The following SBF2 variants were observed in gnomAD, a reference collection of about 807,000 sequenced individuals.
SBF2 encodes SET binding factor 2.
A neutral mutation model predicts 225.2 loss-of-function variants in SBF2; 112 were observed. That is an observed-to-expected ratio of 0.50 (90% CI 0.43 to 0.58). The LOEUF is 0.58. Ranked by LOEUF, SBF2 falls within the 20% of genes least tolerant of loss-of-function variation. SBF2 has a pLI of 0.00. For synonymous variants in SBF2, 763 were observed against 773.3 expected (o/e 0.99, Z 0.22); for missense variants, 1,996 against 2,206.2 (o/e 0.90, Z 1.91).
Position 10,237,234 on chromosome 11 carries a change from C to T in SBF2, c.56-43247G>A, listed in dbSNP as rs188384693. 1.9e-3 allele frequency among the ~76,000 whole-genome samples: 286 copies of T among 152,276 alleles called. 1 individual carries two copies. The highest frequency in any genetic ancestry group is 6.3e-3 in the African/African-American group (263 of 41,558). On this transcript the variant is annotated intron_variant, in intron 1 of 39. Transcript: ENST00000256190. ...TGGTGGTATATACCTGTTATCCCAG[C>T]TATTTGGGAGCCTGTGGCATGAGAA...
intron 38 of SBF2, among the ~76,000 whole-genome samples, chr11:9,782,094 G>A (rs1039979151): frequency 1.3e-5 from 2 of 152,004 alleles, no homozygotes; most frequent in Non-Finnish European, 2.9e-5. Flanking sequence ...GCTGAGGTGG[G>A]AGGATTGCTT....
chr11:9,832,154 T>A, intron 27 of SBF2, 70 bp downstream of exon 27: 1 of 1,410,546 alleles, frequency 7.1e-7, no homozygotes, highest in South Asian at 1.2e-5. Context: ...ATTCCCAGAT[T>A]TTACTTCCTT....
At chr11:10,093,324 T>C (rs1951861285) in intron 2 of SBF2, among the ~76,000 whole-genome samples, 1 of 150,768 alleles carries the variant, frequency 6.6e-6, no homozygotes, top group Non-Finnish European at 1.5e-5. Context: ...CTACAATTCA[T>C]AATTTTAGAT....
chr11:9,855,749 T>C (rs1397717686), intron 19 of SBF2, among the ~76,000 whole-genome samples: 1 of 152,220 alleles, frequency 6.6e-6, no homozygotes, highest in African/African-American at 2.4e-5. Context: ...ATTATTAAGA[T>C]GCAGAAGTCA....
chr11:9,976,068 TCTTC>T lies in SBF2; in HGVS notation c.1396-7527_1396-7524del, dbSNP rs796463600. Among the ~76,000 whole-genome samples the T allele has an allele frequency of 2.2e-3, 327 of 145,984 alleles. 3 individuals are homozygous for T. Among genetic ancestry groups the T allele is most frequent in the African/African-American group, 7.8e-3 (308 of 39,248 alleles). ...AATCTCATATTCTTCTTCTTCTTCT[TCTTC>T]TTTTTTTTTTTTTTTTTTTGAGACG... On this transcript the variant is annotated intron_variant, in intron 13 of 39. Coordinates refer to ENST00000256190, the MANE Select transcript of SBF2 (RefSeq NM_030962.4).
chr11:10,287,905 C>T (rs1591371436), intron 1 of SBF2, among the ~76,000 whole-genome samples: 1 of 152,220 alleles, frequency 6.6e-6, no homozygotes, highest in Non-Finnish European at 1.5e-5. Context: ...AGCGAGCGTA[C>T]AGTCTGGCCA....
At chr11:9,967,971 C>CTCTCTCTCTCTCTATATATATA (rs1260685462) in intron 14 of SBF2, among the ~76,000 whole-genome samples, 5 of 91,504 alleles carry the variant, frequency 5.5e-5, no homozygotes, top group African/African-American at 1.1e-4. Flanking sequence ...CTCTCTCTCT[C>CTCTCTCTCTCTCTATATATATA]TATATATATA....
chr11:9,838,943 A>T (rs982006583), intron 26 of SBF2: 3 of 163,004 alleles, frequency 1.8e-5, no homozygotes, highest in African/African-American at 7.2e-5. Flanking sequence ...ATTCCCTTGA[A>T]AACATTCCAA....
intron 6 of SBF2, among the ~76,000 whole-genome samples, chr11:10,013,325 G>A (rs1948525823): frequency 6.6e-6 from 1 of 152,112 alleles, no homozygotes; most frequent in Non-Finnish European, 1.5e-5. Flanking sequence ...TGGTAGCAAA[G>A]CTGGTTTTCT....
chr11:9,854,027 G>C (rs1004892977), intron 19 of SBF2, among the ~76,000 whole-genome samples: 1 of 152,190 alleles, frequency 6.6e-6, no homozygotes, highest in African/African-American at 2.4e-5. Flanking sequence ...TAAAGCAAAA[G>C]AGGATTTTTT....
At chr11:10,161,232 T>A (rs1955722479) in intron 2 of SBF2, among the ~76,000 whole-genome samples, 1 of 150,528 alleles carries the variant, frequency 6.6e-6, no homozygotes. Flanking sequence ...ATAGCAGTTT[T>A]CAATCGTTTT....
intron 2 of SBF2, among the ~76,000 whole-genome samples, chr11:10,052,746 C>G (rs1950105959): frequency 6.6e-6 from 1 of 152,096 alleles, no homozygotes; most frequent in Non-Finnish European, 1.5e-5. Context: ...TCACAAGACT[C>G]ATTCTACAAA....
chr11:9,883,290 G>GAA (rs57274838), intron 17 of SBF2, among the ~76,000 whole-genome samples: 2 of 146,550 alleles, frequency 1.4e-5, no homozygotes, highest in Non-Finnish European at 3.0e-5. Context: ...TTGCTGTGTG[G>GAA]AAAAAAAAAA....
intron 16 of SBF2, among the ~76,000 whole-genome samples, chr11:9,942,178 C>T (rs927501192): frequency 9.2e-5 from 14 of 152,154 alleles, no homozygotes; most frequent in Non-Finnish European, 1.9e-4. Flanking sequence ...AGTGATTCTC[C>T]CATCTCAGCC....
chr11:9,896,965 CA>C (rs1485098444), intron 16 of SBF2, among the ~76,000 whole-genome samples: 1 of 151,908 alleles, frequency 6.6e-6, no homozygotes, highest in African/African-American at 2.4e-5. Context: ...TCCACACATG[CA>C]AAAAATAAAT....
intron 35 of SBF2, among the ~76,000 whole-genome samples, chr11:9,788,808 T>C (rs1347384067): frequency 6.6e-6 from 1 of 150,516 alleles, no homozygotes; most frequent in Non-Finnish European, 1.5e-5. Context: ...GGTTTTACTG[T>C]GTTAACCAGG....
chr11:10,135,539 A>G (rs1371260761), intron 2 of SBF2, among the ~76,000 whole-genome samples: 1 of 152,194 alleles, frequency 6.6e-6, no homozygotes, highest in African/African-American at 2.4e-5. Context: ...CCCAAGTCAC[A>G]TCTTGAATGC....
At chr11:10,099,287 C>A (rs904875466) in intron 2 of SBF2, among the ~76,000 whole-genome samples, 1 of 151,966 alleles carries the variant, frequency 6.6e-6, no homozygotes, top group African/African-American at 2.4e-5. Flanking sequence ...AAAAATGTTA[C>A]GGACCAGAAG....
chr11:10,218,663 C>G lies in SBF2; in HGVS notation c.56-24676G>C, dbSNP rs139582365. Among the ~76,000 whole-genome samples the G allele has an allele frequency of 5.6e-3, 857 of 152,270 alleles. 3 individuals carry two copies. Among genetic ancestry groups the G allele is most frequent in the South Asian group, 9.1e-3 (44 of 4,818 alleles). ...ACGGAGGGTCTACAGCCATACCACC[C>G]TGAATGCACCTGATCTCATCTAGAT... On this transcript the variant is annotated intron_variant, in intron 1 of 39. Coordinates refer to ENST00000256190, the MANE Select transcript of SBF2 (RefSeq NM_030962.4).
Sources: gnomAD v4.1 joint callset for allele counts (sites outside exome capture counted in the v4.1 genomes callset) on GRCh38, gnomAD v4.1.1 for gene constraint, MANE v1.5 for transcripts, NCBI Gene and HGNC (gene_info 2026-07-23, HGNC 2026-07-21) for gene names.